The following MAGI2 variants were observed in gnomAD, a reference collection of about 807,000 sequenced individuals.
The protein encoded by MAGI2 is membrane-associated guanylate kinase, WW and PDZ domain-containing protein 2.
In MAGI2, 35 loss-of-function variants were observed where a neutral mutation model predicts 133.3. That is an observed-to-expected ratio of 0.26 (90% CI 0.20 to 0.35). The LOEUF is 0.35. Ranked by LOEUF, MAGI2 falls within the 10% of genes least tolerant of loss-of-function variation. MAGI2 has a pLI of 1.00. For synonymous variants in MAGI2, 729 were observed against 710.6 expected, an observed-to-expected ratio of 1.03 and a Z score of -0.41; for missense variants, 1,636 against 1,863.4, an observed-to-expected ratio of 0.88 and a Z score of 2.25.
Position 78,127,178 on chromosome 7 carries a change from G to A in MAGI2, c.3423+19C>T, listed in dbSNP as rs115081085. On this transcript the variant is annotated intron_variant, in intron 19 of 21. Transcript: ENST00000354212. ...GGAAGCCTTGGTCAGGACCCACCCT[G>A]CTCTCCGGGAGGAGGTACCTGGGGT... The A allele has an allele frequency of 8.6e-5, 133 of 1,539,224 alleles. No homozygotes were observed. In the African/African-American group the frequency reaches 1.7e-3, roughly 20 times the overall value.
intron 1 of MAGI2, among the ~76,000 whole-genome samples, chr7:79,232,096 T>G (rs1831421363): frequency 3.3e-5 from 5 of 152,178 alleles, no homozygotes; most frequent in Admixed American, 3.3e-4. Context: ...GGATTACATT[T>G]ACTGATTTGC....
At chr7:78,464,826 A>G (rs1790450456) in intron 6 of MAGI2, among the ~76,000 whole-genome samples, 2 of 151,946 alleles carry the variant, frequency 1.3e-5, no homozygotes, top group South Asian at 4.1e-4. Context: ...AACTTTTCAA[A>G]TTCCCATACC....
At position 78,804,748 on chromosome 7, in the gene MAGI2, C is replaced by CAAAAA. The variant is rs373472835; in HGVS notation, c.419-177514_419-177510dup. Among the ~76,000 whole-genome samples the CAAAAA allele has an allele frequency of 5.7e-3, 553 of 97,460 alleles. 2 individuals carry two copies. Among genetic ancestry groups the CAAAAA allele is most frequent in the Non-Finnish European group, 6.9e-3 (348 of 50,492 alleles). The allele number at this position is 97,460 out of a possible 152,430, so 63.9% of individuals were successfully genotyped here. A position where few individuals can be genotyped will look rare whatever the true frequency, so the allele number is the denominator to read the frequency against. On this transcript the variant is annotated intron_variant, in intron 2 of 21. Transcript: ENST00000354212. ...TGGGCAACAGAGCGAGACTCTGTCT[C>CAAAAA]AAAAAAAAAAAAAAAAAAAAAAAAC...
intron 1 of MAGI2, among the ~76,000 whole-genome samples, chr7:79,149,440 T>C (rs1407410252): frequency 6.6e-6 from 1 of 152,016 alleles, no homozygotes; most frequent in Admixed American, 6.6e-5. Context: ...TGGTCACTGA[T>C]GGGCTCATTT....
At chr7:79,168,251 G>T (rs1825138650) in intron 1 of MAGI2, among the ~76,000 whole-genome samples, 1 of 151,662 alleles carries the variant, frequency 6.6e-6, no homozygotes, top group South Asian at 2.1e-4. Flanking sequence ...GCTGGGTTAG[G>T]GTATCCCAAC....
chr7:79,442,266 G>A (rs781690988), intron 1 of MAGI2, among the ~76,000 whole-genome samples: 1 of 152,076 alleles, frequency 6.6e-6, no homozygotes, highest in Non-Finnish European at 1.5e-5. Context: ...AGTTAATAAG[G>A]GTTAAAAATA....
chr7:78,076,813 T>TG (rs2151180502), intron 21 of MAGI2, among the ~76,000 whole-genome samples: 1 of 114,838 alleles, frequency 8.7e-6, no homozygotes, highest in South Asian at 2.9e-4. Flanking sequence ...GCCACTGCAG[T>TG]CCGCAGTCCG....
At chr7:78,329,485 A>T (rs798312) in intron 9 of MAGI2, among the ~76,000 whole-genome samples, 1 of 152,130 alleles carries the variant, frequency 6.6e-6, no homozygotes, top group African/African-American at 2.4e-5. Context: ...ATGTGCATAT[A>T]TATACAATTG....
intron 10 of MAGI2, among the ~76,000 whole-genome samples, chr7:78,232,419 T>G (rs184178120): frequency 4.6e-5 from 7 of 152,348 alleles, no homozygotes; most frequent in Admixed American, 1.3e-4. Context: ...TGTTTTACAA[T>G]ACATGTGAGC....
intron 2 of MAGI2, among the ~76,000 whole-genome samples, chr7:78,842,231 A>T (rs1792206418): frequency 1.3e-5 from 2 of 151,996 alleles, no homozygotes; most frequent in Non-Finnish European, 2.9e-5. Context: ...CACTGAAAGA[A>T]CCTCCTGTAA....
At chr7:78,863,262 C>T (rs188547234) in intron 2 of MAGI2, among the ~76,000 whole-genome samples, 1 of 152,300 alleles carries the variant, frequency 6.6e-6, no homozygotes, top group Non-Finnish European at 1.5e-5. Context: ...TTTAGTGTTG[C>T]TATAAAGGAA....
chr7:78,823,500 G>A (rs921777208), intron 2 of MAGI2, among the ~76,000 whole-genome samples: 6 of 150,988 alleles, frequency 4.0e-5, no homozygotes, highest in East Asian at 4.0e-4. Flanking sequence ...GGAGAATGGC[G>A]TGAACCCGGG....
intron 21 of MAGI2, among the ~76,000 whole-genome samples, chr7:78,050,986 A>C (rs1275095523): frequency 6.6e-6 from 1 of 152,244 alleles, no homozygotes; most frequent in Non-Finnish European, 1.5e-5. Flanking sequence ...CTCTGGAGCC[A>C]GAAGCTAGTG....
chr7:79,183,503 C>A (rs1026110701), intron 1 of MAGI2, among the ~76,000 whole-genome samples: 1 of 151,748 alleles, frequency 6.6e-6, no homozygotes, highest in Non-Finnish European at 1.5e-5. Flanking sequence ...AGAAATTTTT[C>A]AATATTCTAG....
rs557933577 is a variant in MAGI2, at chr7:78,341,455, C to A, written c.1408+2323G>T. Among the ~76,000 whole-genome samples, 13 of 152,214 alleles carry A rather than the reference C, an allele frequency of 8.5e-5. No homozygotes were observed. The East Asian group carries it at 2.1e-3, about 25-fold the overall frequency. On this transcript the variant is annotated intron_variant, in intron 9 of 21. Coordinates refer to ENST00000354212, the MANE Select transcript of MAGI2 (RefSeq NM_012301.4). ...GCTTTCTTCACAGAACTGGAAAAAACCACCATAAACTTTATATGGAACCAA... is the reference window on the plus strand; with the variant it reads ...GCTTTCTTCACAGAACTGGAAAAAAACACCATAAACTTTATATGGAACCAA...
intron 1 of MAGI2, among the ~76,000 whole-genome samples, chr7:79,218,843 C>G (rs1585233393): frequency 1.3e-5 from 2 of 152,114 alleles, no homozygotes; most frequent in African/African-American, 4.8e-5. Context: ...TATGTATGTA[C>G]AGCATGTGAG....
chr7:78,961,819 C>T (rs1046143493), intron 2 of MAGI2, among the ~76,000 whole-genome samples: 8 of 151,932 alleles, frequency 5.3e-5, no homozygotes, highest in African/African-American at 1.9e-4. Flanking sequence ...TTGATACTGT[C>T]ATTGTGCGAA....
At chr7:79,447,960 G>T (rs1848978508) in intron 1 of MAGI2, among the ~76,000 whole-genome samples, 1 of 151,740 alleles carries the variant, frequency 6.6e-6, no homozygotes, top group Admixed American at 6.6e-5. Context: ...TCAACAGCAT[G>T]ATACTTACTC....
chr7:78,300,252 CTA>C (rs1386244080), intron 9 of MAGI2, among the ~76,000 whole-genome samples: 1 of 152,156 alleles, frequency 6.6e-6, no homozygotes, highest in Non-Finnish European at 1.5e-5. Flanking sequence ...GAAAATGTTA[CTA>C]TATCACAAAT....
Sources: gnomAD v4.1 joint callset for allele counts (sites outside exome capture counted in the v4.1 genomes callset) on GRCh38, gnomAD v4.1.1 for gene constraint, MANE v1.5 for transcripts, NCBI Gene and HGNC (gene_info 2026-07-23, HGNC 2026-07-21) for gene names.